TMTC1: variants seen among roughly 807,000 people sequenced by gnomAD.
TMTC1 encodes protein O-mannosyl-transferase TMTC1.
Under a neutral mutation model 104.8 loss-of-function variants are expected in TMTC1, and 73 were observed. The observed-to-expected ratio is 0.70, with a 90% CI of 0.58 to 0.85. TMTC1 has a LOEUF of 0.85. TMTC1 is among the 40% of genes least tolerant of loss of function. The pLI, the probability that TMTC1 is intolerant of heterozygous loss-of-function variation, is 0.00. For missense variants in TMTC1, 1,035 were observed against 1,096.1 expected, an observed-to-expected ratio of 0.94 and a Z score of 0.79; for synonymous variants, 434 against 428.7, an observed-to-expected ratio of 1.01 and a Z score of -0.15.
At chr12:29,665,294 T>C (rs1298299359) in intron 5 of TMTC1, among the ~76,000 whole-genome samples, 1 of 152,238 alleles carries the variant, frequency 6.6e-6, no homozygotes, top group East Asian at 1.9e-4. Flanking sequence ...ATCAAGGTTA[T>C]TGGCATTGTA....
intron 11 of TMTC1, among the ~76,000 whole-genome samples, chr12:29,532,327 A>G (rs1402111948): frequency 6.6e-6 from 1 of 152,142 alleles, no homozygotes; most frequent in Non-Finnish European, 1.5e-5. Flanking sequence ...CTCATGAAAT[A>G]TATTCTTTGA....
At chr12:29,632,466 GT>G (rs1938347638) in intron 6 of TMTC1, among the ~76,000 whole-genome samples, 1 of 152,040 alleles carries the variant, frequency 6.6e-6, no homozygotes, top group Admixed American at 6.6e-5. Context: ...AGATATAATG[GT>G]TTTATAAGGG....
chr12:29,709,277 C>T (rs1046865388), intron 5 of TMTC1, among the ~76,000 whole-genome samples: 44 of 152,110 alleles, frequency 2.9e-4, no homozygotes, highest in African/African-American at 9.2e-4. Context: ...TGACCTTAAG[C>T]TAATGGCATT....
At chr12:29,687,247 A>T (rs558885444) in intron 5 of TMTC1, among the ~76,000 whole-genome samples, 3 of 152,218 alleles carry the variant, frequency 2.0e-5, no homozygotes, top group Non-Finnish European at 4.4e-5. Context: ...TCAAGTTAAC[A>T]TGATGAGTAG....
chr12:29,508,289 T>C (rs1420648626), intron 17 of TMTC1, among the ~76,000 whole-genome samples: 1 of 152,234 alleles, frequency 6.6e-6, no homozygotes, highest in African/African-American at 2.4e-5. Flanking sequence ...AACTTGCATT[T>C]GCTATATTCA....
At chr12:29,541,725 C>A (rs1944804303) in intron 10 of TMTC1, among the ~76,000 whole-genome samples, 1 of 140,264 alleles carries the variant, frequency 7.1e-6, no homozygotes, top group Non-Finnish European at 1.5e-5. Flanking sequence ...GTGGAGCAAT[C>A]TCAGCTCACT....
intron 5 of TMTC1, among the ~76,000 whole-genome samples, chr12:29,718,408 C>T (rs572381288): frequency 9.2e-5 from 14 of 152,234 alleles, no homozygotes; most frequent in Non-Finnish European, 1.9e-4. Flanking sequence ...AGAGGAAATC[C>T]TGTAAAGAAG....
At chr12:29,681,098 C>CT (rs1458419472) in intron 5 of TMTC1, among the ~76,000 whole-genome samples, 1 of 52,084 alleles carries the variant, frequency 1.9e-5, no homozygotes, top group African/African-American at 7.4e-5. Context: ...GACCCTGTCT[C>CT]CAAAAAAAAA....
At chr12:29,715,602 C>T (rs1372217104) in intron 5 of TMTC1, among the ~76,000 whole-genome samples, 1 of 152,138 alleles carries the variant, frequency 6.6e-6, no homozygotes, top group Non-Finnish European at 1.5e-5. Context: ...ATTTAGACCT[C>T]GTAACATTTA....
intron 9 of TMTC1, among the ~76,000 whole-genome samples, chr12:29,558,618 T>A (rs961586885): frequency 1.2e-4 from 18 of 152,286 alleles, no homozygotes; most frequent in Admixed American, 3.9e-4. Flanking sequence ...AAGCCCTAAT[T>A]ATTCACAGAA....
At chr12:29,638,302 A>G (rs751163948) in intron 5 of TMTC1, among the ~76,000 whole-genome samples, 13 of 152,084 alleles carry the variant, frequency 8.5e-5, no homozygotes, top group African/African-American at 3.1e-4. Context: ...GCACGCCGAC[A>G]GACCCCAGCA....
chr12:29,573,398 G>C (rs1945735101), intron 8 of TMTC1, among the ~76,000 whole-genome samples: 1 of 152,142 alleles, frequency 6.6e-6, no homozygotes. Flanking sequence ...GAAGTAAATG[G>C]TACAGTTGTT....
chr12:29,540,820 C>T (rs1793878547), intron 10 of TMTC1, among the ~76,000 whole-genome samples: 1 of 152,022 alleles, frequency 6.6e-6, no homozygotes, highest in African/African-American at 2.4e-5. Flanking sequence ...GATAGTGAAA[C>T]CCTGTCTCTA....
intron 1 of TMTC1, among the ~76,000 whole-genome samples, chr12:29,779,565 C>T (rs1263987603): frequency 6.6e-6 from 1 of 152,156 alleles, no homozygotes; most frequent in African/African-American, 2.4e-5. Flanking sequence ...ATACAAGCAA[C>T]CACCTTTATA....
chr12:29,670,196 A>T (rs1049953229), intron 5 of TMTC1, among the ~76,000 whole-genome samples: 1 of 152,262 alleles, frequency 6.6e-6, no homozygotes, highest in Admixed American at 6.5e-5. Flanking sequence ...TTTTACTGGG[A>T]TACATGGATG....
At chr12:29,538,788 G>A (rs1489830230) in intron 10 of TMTC1, among the ~76,000 whole-genome samples, 1 of 152,166 alleles carries the variant, frequency 6.6e-6, no homozygotes, top group Non-Finnish European at 1.5e-5. Context: ...AATCCTGTGA[G>A]AGACTAACAG....
chr12:29,689,546 C>G (rs1228547106), intron 5 of TMTC1, among the ~76,000 whole-genome samples: 1 of 152,202 alleles, frequency 6.6e-6, no homozygotes, highest in East Asian at 1.9e-4. Context: ...AACTCCCGAC[C>G]TCGTGATCTG....
intron 9 of TMTC1, among the ~76,000 whole-genome samples, chr12:29,559,932 A>AAATACAGAT (rs1447784079): frequency 3.3e-5 from 5 of 152,338 alleles, no homozygotes; most frequent in Non-Finnish European, 5.9e-5. Flanking sequence ...AAAAAAAGAA[A>AAATACAGAT]AATACAGATG....
chr12:29,748,432 C>G (rs1211292083), intron 5 of TMTC1, among the ~76,000 whole-genome samples: 1 of 152,218 alleles, frequency 6.6e-6, no homozygotes, highest in African/African-American at 2.4e-5. Flanking sequence ...AGCACCCTGC[C>G]TCTTCCCCAA....
Sources: allele counts gnomAD v4.1 joint callset (sites outside exome capture counted in the v4.1 genomes callset), GRCh38; gene constraint gnomAD v4.1.1; transcripts MANE v1.5; gene names NCBI Gene and HGNC (gene_info 2026-07-23, HGNC 2026-07-21).